SNTG1: variants seen among roughly 807,000 people sequenced by gnomAD.
SNTG1 encodes the protein syntrophin gamma 1.
SNTG1 carries 39 observed loss-of-function variants against 74.7 expected under a neutral mutation model. That is an observed-to-expected ratio of 0.52 (90% CI 0.40 to 0.68). The LOEUF (loss-of-function observed/expected upper bound fraction) is 0.68. Ranked by LOEUF, SNTG1 falls within the 30% of genes least tolerant of loss-of-function variation. The pLI is 0.00. For missense variants in SNTG1, 685 were observed against 609.5 expected (o/e 1.12, Z -1.30); for synonymous variants, 254 against 217.1 (o/e 1.17, Z -1.49).
chr8:50,228,981 C>T (rs1938009042), intron 2 of SNTG1, among the ~76,000 whole-genome samples: 1 of 151,564 alleles, frequency 6.6e-6, no homozygotes, highest in African/African-American at 2.4e-5. Context: ...TGAATGATTT[C>T]AATGTCATAA....
chr8:50,028,715 A>C (rs1817491714), intron 1 of SNTG1, among the ~76,000 whole-genome samples: 1 of 152,124 alleles, frequency 6.6e-6, no homozygotes, highest in South Asian at 2.1e-4. Flanking sequence ...TATTGTGCAC[A>C]TGTACCCTAA....
intron 2 of SNTG1, among the ~76,000 whole-genome samples, chr8:50,335,140 C>A (rs568406342): frequency 6.6e-6 from 1 of 152,282 alleles, no homozygotes; most frequent in African/African-American, 2.4e-5. Flanking sequence ...TGTTTATCAG[C>A]ATTTAGGGCT....
At chr8:50,568,241 G>GTGTGTGTT (rs1326642062) in intron 12 of SNTG1, among the ~76,000 whole-genome samples, 1 of 151,948 alleles carries the variant, frequency 6.6e-6, no homozygotes, top group African/African-American at 2.4e-5. Context: ...GTGTGTGTGT[G>GTGTGTGTT]TGTGTGTGTG....
chr8:49,993,494 C>A (rs967338258), intron 1 of SNTG1, among the ~76,000 whole-genome samples: 40 of 151,894 alleles, frequency 2.6e-4, no homozygotes, highest in Non-Finnish European at 5.3e-4. Flanking sequence ...CACCTATCAA[C>A]CCATCATCTA....
At chr8:50,171,701 G>A (rs908528797) in intron 1 of SNTG1, among the ~76,000 whole-genome samples, 6 of 152,148 alleles carry the variant, frequency 3.9e-5, no homozygotes, top group African/African-American at 7.2e-5. Flanking sequence ...AAGGGTTCTC[G>A]ACTTAGCTGT....
chr8:49,923,591 AG>A lies in SNTG1; in HGVS notation c.-103+11362del, dbSNP rs1209862143. Among the ~76,000 whole-genome samples, 4 of 152,270 alleles carry A rather than the reference AG, an allele frequency of 2.6e-5. No individual in the cohort carries two copies. In the East Asian group the frequency reaches 5.8e-4, roughly 22 times the overall value. ...GATACATGTTAAGACATTGAGTCCT[AG>A]GAGGAAGATGGCACTTAAATACATG... On this transcript the variant is annotated intron_variant, in intron 1 of 18. Transcript: ENST00000642720.
At chr8:50,151,249 G>T (rs1253736444) in intron 1 of SNTG1, among the ~76,000 whole-genome samples, 1 of 152,122 alleles carries the variant, frequency 6.6e-6, no homozygotes, top group Non-Finnish European at 1.5e-5. Context: ...TGTGGAATTG[G>T]TGGTGATATC....
intron 13 of SNTG1, 135 bp from the exon 14 acceptor site, chr8:50,656,774 A>T: frequency 1.7e-6 from 1 of 600,412 alleles, no homozygotes; most frequent in Non-Finnish European, 2.8e-6. Context: ...AATCAATTTG[A>T]TAATTTTATG....
intron 2 of SNTG1, among the ~76,000 whole-genome samples, chr8:50,279,450 G>C (rs2088304753): frequency 6.6e-6 from 1 of 152,134 alleles, no homozygotes; most frequent in Non-Finnish European, 1.5e-5. Context: ...TTGTATAACA[G>C]ACTGAATAAG....
At chr8:50,055,969 C>A (rs1819991965) in intron 1 of SNTG1, among the ~76,000 whole-genome samples, 1 of 151,896 alleles carries the variant, frequency 6.6e-6, no homozygotes, top group Non-Finnish European at 1.5e-5. Context: ...TCTATTTGAC[C>A]CCATTTTTCT....
intron 2 of SNTG1, among the ~76,000 whole-genome samples, chr8:50,173,518 G>A (rs1034422296): frequency 2.6e-5 from 4 of 152,170 alleles, no homozygotes; most frequent in African/African-American, 9.7e-5. Flanking sequence ...TAAATGTAGT[G>A]TAGAAGTGGC....
At chr8:50,300,913 T>C (rs556024218) in intron 2 of SNTG1, among the ~76,000 whole-genome samples, 1 of 152,184 alleles carries the variant, frequency 6.6e-6, no homozygotes, top group Non-Finnish European at 1.5e-5. Flanking sequence ...TCTGACTTCA[T>C]TTTAGTAATG....
intron 1 of SNTG1, among the ~76,000 whole-genome samples, chr8:50,011,542 T>C (rs1416674204): frequency 2.0e-5 from 3 of 152,104 alleles, no homozygotes; most frequent in Non-Finnish European, 2.9e-5. Context: ...TAGCTAAATA[T>C]TAAATTGATG....
At chr8:50,185,472 G>T (rs1017262420) in intron 2 of SNTG1, among the ~76,000 whole-genome samples, 5 of 152,196 alleles carry the variant, frequency 3.3e-5, no homozygotes, top group Non-Finnish European at 7.3e-5. Flanking sequence ...GTTGTCCAAA[G>T]AAATACTGCT....
chr8:50,654,567 G>A (rs2095168936), intron 13 of SNTG1, among the ~76,000 whole-genome samples: 2 of 151,938 alleles, frequency 1.3e-5, no homozygotes, highest in Admixed American at 1.3e-4. Context: ...GCTGTCTATT[G>A]TTTTTATTCT....
intron 1 of SNTG1, among the ~76,000 whole-genome samples, chr8:49,992,612 A>G (rs961472579): frequency 3.9e-5 from 6 of 152,094 alleles, no homozygotes; most frequent in Admixed American, 3.3e-4. Flanking sequence ...TGCATTGACA[A>G]ATGGGTGGTG....
At chr8:50,352,171 A>G (rs189529181) in intron 2 of SNTG1, among the ~76,000 whole-genome samples, 2 of 152,314 alleles carry the variant, frequency 1.3e-5, no homozygotes, top group East Asian at 3.9e-4. Context: ...TATACCCAGA[A>G]AGGTAGACCT....
At chr8:50,672,572 A>T (rs991030034) in intron 15 of SNTG1, among the ~76,000 whole-genome samples, 1 of 151,784 alleles carries the variant, frequency 6.6e-6, no homozygotes, top group Admixed American at 6.6e-5. Flanking sequence ...GTTCCTTGTA[A>T]ATTCTAGATA....
chr8:50,749,090 A>C (rs2095561510), intron 17 of SNTG1, among the ~76,000 whole-genome samples: 1 of 152,044 alleles, frequency 6.6e-6, no homozygotes, highest in Admixed American at 6.6e-5. Flanking sequence ...GCAAGTTGTG[A>C]ATGCAAAGGA....
Sources: allele counts gnomAD v4.1 joint callset (sites outside exome capture counted in the v4.1 genomes callset), GRCh38; gene constraint gnomAD v4.1.1; transcripts MANE v1.5; gene names NCBI Gene and HGNC (gene_info 2026-07-23, HGNC 2026-07-21).